Variants in EDIL3 observed in about 807,000 individuals in gnomAD.
The protein encoded by EDIL3 is EGF like and discoidin domains 3, also known as EGF-like repeat and discoidin I-like domain-containing protein 3.
In EDIL3, 37 loss-of-function variants were observed where a neutral mutation model predicts 67.4. The ratio of observed to expected loss-of-function variants is 0.55; its 90% CI spans 0.42 to 0.72. EDIL3 has a LOEUF of 0.72. EDIL3 is among the 30% of genes least tolerant of loss of function. The probability of loss-of-function intolerance (pLI) is 0.00; values close to 1 mark genes in which losing one functional copy is unlikely to be tolerated. For missense variants in EDIL3, 527 were observed against 586.3 expected (o/e 0.90, Z 1.04); for synonymous variants, 195 against 196.3 (o/e 0.99, Z 0.05).
At chr5:84,054,085 C>A (rs1211781976) in intron 9 of EDIL3, among the ~76,000 whole-genome samples, 1 of 152,176 alleles carries the variant, frequency 6.6e-6, no homozygotes, top group Non-Finnish European at 1.5e-5. Context: ...CCAAATCCAG[C>A]AGCACATCAA....
At chr5:84,184,986 C>A (rs1007163437) in intron 3 of EDIL3, among the ~76,000 whole-genome samples, 17 of 152,044 alleles carry the variant, frequency 1.1e-4, no homozygotes, top group African/African-American at 4.1e-4. Context: ...AGCAAAAGGG[C>A]CAAAGATTAA....
At position 84,227,932 on chromosome 5, in the gene EDIL3, G is replaced by A. The variant is rs142079568; in HGVS notation, c.226+1923C>T. On this transcript the variant is annotated intron_variant, in intron 3 of 10. Coordinates refer to ENST00000296591, the MANE Select transcript of EDIL3 (RefSeq NM_005711.5). ...CTGCAGACTACTAGAGAGTGGAGGA[G>A]AGGAAGAGGGTGTAGGTTGAAAATC... Among the ~76,000 whole-genome samples, 1,005 of 152,186 alleles carry A rather than the reference G, an allele frequency of 6.6e-3. 16 individuals are homozygous for A. Among genetic ancestry groups the A allele is most frequent in the African/African-American group, 0.023 (963 of 41,540 alleles).
intron 1 of EDIL3, among the ~76,000 whole-genome samples, chr5:84,257,939 C>A (rs561401652): frequency 6.6e-6 from 1 of 152,164 alleles, no homozygotes; most frequent in Non-Finnish European, 1.5e-5. Flanking sequence ...TAATGCTTGG[C>A]CCATTGTAGC....
chr5:84,206,377 A>T (rs1269041675), intron 3 of EDIL3, among the ~76,000 whole-genome samples: 1 of 152,048 alleles, frequency 6.6e-6, no homozygotes, highest in African/African-American at 2.4e-5. Flanking sequence ...TGCTGAAAAA[A>T]ATGTATATTC....
chr5:84,065,623 A>G (rs1746625586), intron 7 of EDIL3, among the ~76,000 whole-genome samples: 1 of 148,354 alleles, frequency 6.7e-6, no homozygotes, highest in African/African-American at 2.4e-5. Flanking sequence ...AGAACTAACA[A>G]AAGAATTGAG....
At chr5:84,255,830 G>A (rs1745112609) in intron 1 of EDIL3, among the ~76,000 whole-genome samples, 1 of 152,176 alleles carries the variant, frequency 6.6e-6, no homozygotes, top group African/African-American at 2.4e-5. Context: ...ATGAATTAAT[G>A]TTTGGGGAAT....
intron 9 of EDIL3, among the ~76,000 whole-genome samples, chr5:84,045,791 TA>T (rs1389745314): frequency 6.6e-6 from 1 of 152,196 alleles, no homozygotes; most frequent in African/African-American, 2.4e-5. Context: ...TTGTATTAAT[TA>T]AAAAGAAATG....
chr5:84,194,902 A>C (rs913061503), intron 3 of EDIL3, among the ~76,000 whole-genome samples: 1 of 151,906 alleles, frequency 6.6e-6, no homozygotes, highest in Non-Finnish European at 1.5e-5. Context: ...AGATCCCCTC[A>C]GTTTGATTGA....
At chr5:84,245,349 A>G (rs980375899) in intron 2 of EDIL3, among the ~76,000 whole-genome samples, 6 of 152,122 alleles carry the variant, frequency 3.9e-5, no homozygotes, top group African/African-American at 1.2e-4. Context: ...AATAACTCCA[A>G]ATCTATATTA....
intron 4 of EDIL3, among the ~76,000 whole-genome samples, chr5:84,145,639 C>G (rs1035612238): frequency 2.0e-5 from 3 of 152,036 alleles, no homozygotes; most frequent in Non-Finnish European, 4.4e-5. Flanking sequence ...ATCACTCAGA[C>G]TAGGTAGTAG....
chr5:84,340,542 A>C (rs1445844313), intron 1 of EDIL3, among the ~76,000 whole-genome samples: 19,123 of 61,870 alleles, frequency 0.31, 2,184 homozygotes, highest in Non-Finnish European at 0.36. Context: ...CTCTATATAT[A>C]TATATATATA....
At chr5:84,110,866 G>C (rs754538035) in intron 5 of EDIL3, among the ~76,000 whole-genome samples, 2 of 152,090 alleles carry the variant, frequency 1.3e-5, no homozygotes, top group Admixed American at 6.6e-5. Flanking sequence ...AGGATGTAAT[G>C]GAGTTTTCAC....
chr5:84,279,916 G>A (rs1745663047), intron 1 of EDIL3, among the ~76,000 whole-genome samples: 2 of 152,054 alleles, frequency 1.3e-5, no homozygotes, highest in South Asian at 4.1e-4. Flanking sequence ...TTAATCCCTG[G>A]GGTCTCTTTG....
intron 9 of EDIL3, among the ~76,000 whole-genome samples, chr5:84,044,199 T>C (rs1176213517): frequency 6.6e-6 from 1 of 152,102 alleles, no homozygotes; most frequent in Non-Finnish European, 1.5e-5. Context: ...AGAATGATGG[T>C]TTCCAGCTGC....
At chr5:84,007,187 C>T (rs1368524450) in intron 9 of EDIL3, among the ~76,000 whole-genome samples, 1 of 151,884 alleles carries the variant, frequency 6.6e-6, no homozygotes, top group Non-Finnish European at 1.5e-5. Context: ...CTACTAAAAG[C>T]AAATATTGGG....
At chr5:84,041,704 A>C (rs889847175) in intron 9 of EDIL3, among the ~76,000 whole-genome samples, 9 of 149,310 alleles carry the variant, frequency 6.0e-5, no homozygotes, top group African/African-American at 1.7e-4. Flanking sequence ...CTACCTATAT[A>C]TATATATAGA....
intron 6 of EDIL3, among the ~76,000 whole-genome samples, chr5:84,080,598 T>G (rs936951438): frequency 7.1e-6 from 1 of 139,894 alleles, no homozygotes; most frequent in Admixed American, 7.3e-5. Flanking sequence ...TAAACACAAT[T>G]GATAAAATGT....
At chr5:83,946,981 T>C in intron 10 of EDIL3, among the ~76,000 whole-genome samples, 1 of 151,888 alleles carries the variant, frequency 6.6e-6, no homozygotes, top group East Asian at 1.9e-4. Context: ...TAGCGAGTGG[T>C]TCTAAGCATT....
rs1047359311 is a variant in EDIL3, at chr5:84,119,976, G to A, written c.470-13146C>T. Among the ~76,000 whole-genome samples the A allele has an allele frequency of 1.3e-4, 20 of 151,728 alleles. 1 individual carries two copies. Among genetic ancestry groups the A allele is most frequent in the Admixed American group, 9.2e-4 (14 of 15,198 alleles). On this transcript the variant is annotated intron_variant, in intron 5 of 10. Transcript: ENST00000296591. ...GTTTCTGATTTCTAAGGACATAAAG[G>A]GGATGTCTTGGGAAAAAAATTCACA...
Sources: allele counts gnomAD v4.1 joint callset (sites outside exome capture counted in the v4.1 genomes callset), GRCh38; gene constraint gnomAD v4.1.1; transcripts MANE v1.5; gene names NCBI Gene and HGNC (gene_info 2026-07-23, HGNC 2026-07-21).